FAM227A: variants seen among roughly 807,000 people sequenced by gnomAD.
FAM227A encodes family with sequence similarity 227 member A.
FAM227A carries 80 observed loss-of-function variants against 74.7 expected under a neutral mutation model. That is an observed-to-expected ratio of 1.07 (90% CI 0.89 to 1.29). The LOEUF (loss-of-function observed/expected upper bound fraction) is 1.29. FAM227A is among the 50% of genes most tolerant of loss of function. The probability of loss-of-function intolerance (pLI) is 0.00; values close to 1 mark genes in which losing one functional copy is unlikely to be tolerated. For missense variants in FAM227A, 654 were observed against 683.4 expected, an observed-to-expected ratio of 0.96 and a Z score of 0.48; for synonymous variants, 237 against 241.8, an observed-to-expected ratio of 0.98 and a Z score of 0.19.
intron 6 of FAM227A, among the ~76,000 whole-genome samples, chr22:38,633,464 G>A (rs554862931): frequency 4.6e-5 from 7 of 152,220 alleles, no homozygotes; most frequent in Admixed American, 6.5e-5. Context: ...CAGGAACAGC[G>A]GGTCCAAGAA....
intron 13 of FAM227A, among the ~76,000 whole-genome samples, chr22:38,601,929 C>G (rs2091187876): frequency 2.0e-5 from 3 of 151,894 alleles, no homozygotes; most frequent in Non-Finnish European, 2.9e-5. Context: ...CAGGAGGAAA[C>G]AGATCAGAAA....
In FAM227A at chr22:38,613,194, ATAT is replaced by A. The variant is rs1354677582; in HGVS notation, c.1039-5721_1039-5719del. ...TATATATATTATATATAATATATAT[ATAT>A]TATATTATATATATCTATGCTGTAT... is the stretch of plus-strand genomic sequence containing the variant. On this transcript the variant is annotated intron_variant, in intron 11 of 16. Coordinates refer to ENST00000535113, the MANE Select transcript of FAM227A (RefSeq NM_001013647.2). Among the ~76,000 whole-genome samples the A allele has an allele frequency of 2.3e-3, 184 of 79,644 alleles. 1 individual carries two copies. Among genetic ancestry groups the A allele is most frequent in the South Asian group, 0.015 (47 of 3,232 alleles). 52.2% of individuals were successfully genotyped at this position (79,644 alleles called of 152,430 possible).
At chr22:38,630,177 G>C (rs1285036402) in intron 6 of FAM227A, among the ~76,000 whole-genome samples, 1 of 152,092 alleles carries the variant, frequency 6.6e-6, no homozygotes, top group East Asian at 1.9e-4. Flanking sequence ...TCACACACAG[G>C]TGCCTCTCCT....
At chr22:38,617,809 G>A (rs2091610858) in intron 11 of FAM227A, among the ~76,000 whole-genome samples, 1 of 152,086 alleles carries the variant, frequency 6.6e-6, no homozygotes, top group Admixed American at 6.6e-5. Context: ...ACCAGCCTGG[G>A]CAACATAGCA....
intron 13 of FAM227A, among the ~76,000 whole-genome samples, chr22:38,604,814 G>T (rs1411297082): frequency 2.6e-5 from 4 of 152,010 alleles, no homozygotes; most frequent in African/African-American, 9.7e-5. Context: ...ACCGTGCCCA[G>T]CTAATTTTTG....
chr22:38,636,191 C>T (rs1249937222), intron 6 of FAM227A, among the ~76,000 whole-genome samples: 2 of 152,140 alleles, frequency 1.3e-5, no homozygotes, highest in African/African-American at 4.8e-5. Flanking sequence ...AATTTATAAA[C>T]AGACACGTTT....
intron 11 of FAM227A, among the ~76,000 whole-genome samples, chr22:38,613,272 T>A (rs1488706233): frequency 4.3e-4 from 31 of 72,650 alleles, no homozygotes; most frequent in African/African-American, 1.3e-3. Context: ...ATAACATATA[T>A]TATATATCAT....
rs2090782087 is a variant in FAM227A, at chr22:38,585,271, G to A, written c.*854C>T. ...TATTTTAGATTAAATCAGACAACAT[G>A]TGCATGCTTTACCTATAAAGTTTCT... On this transcript the variant is annotated 3_prime_UTR_variant, in exon 17 of 17. Transcript: ENST00000535113. 1 of 152,052 alleles carries A rather than the reference G, an allele frequency of 6.6e-6. No individual in the cohort carries two copies. Among genetic ancestry groups the A allele is most frequent in the Non-Finnish European group, 1.5e-5 (1 of 68,030 alleles). The allele number at this position is 152,052 out of a possible 1,614,324, so 9.4% of individuals were successfully genotyped here.
At position 38,599,899 on chromosome 22, in the gene FAM227A, G is replaced by A; in HGVS notation, c.1244C>T (p.Pro415Leu). 6.5e-7 allele frequency: 1 copy of A among 1,549,860 alleles called. No homozygotes were observed. The highest frequency in any genetic ancestry group is 1.2e-5 in the South Asian group (1 of 83,718). Reference protein sequence around the residue: ...PKKSCAACKSPELTSNLFNIY... With the variant: ...PKKSCAACKSLELTSNLFNIY... ...GTTGAAGAGGTTTGAAGTCAGCTCA[G>A]GGCTTTTGCAGGCAGCACACGACTA... is the stretch of plus-strand genomic sequence containing the variant. The change falls in exon 14 of 17, where the codon CCT (proline) becomes CTT (leucine). Residue 415 changes from proline (P) to leucine (L), a missense_variant. Coordinates refer to ENST00000535113, the MANE Select transcript of FAM227A (RefSeq NM_001013647.2).
chr22:38,617,073 T>C (rs1193584910), intron 11 of FAM227A, among the ~76,000 whole-genome samples: 1 of 151,850 alleles, frequency 6.6e-6, no homozygotes, highest in Non-Finnish European at 1.5e-5. Flanking sequence ...GGGAAGTGTT[T>C]CGAAGGTGGG....
intron 8 of FAM227A, among the ~76,000 whole-genome samples, chr22:38,626,685 G>C (rs2091807395): frequency 6.6e-6 from 1 of 150,718 alleles, no homozygotes; most frequent in Admixed American, 6.7e-5. Flanking sequence ...CCAACATGGT[G>C]AAACTGTGTC....
In FAM227A at chr22:38,585,700, G is replaced by C. The variant is rs528750147; in HGVS notation, c.*425C>G. Reference sequence around the variant, plus strand: ...CTCTACCAGATGGTGACTCCCTTGAGAACAGGGACTGTGTCTTATCTACTG... The same window carrying C: ...CTCTACCAGATGGTGACTCCCTTGACAACAGGGACTGTGTCTTATCTACTG... On this transcript the variant is annotated 3_prime_UTR_variant, in exon 17 of 17. Transcript: ENST00000535113. 1.5e-4 allele frequency: 32 copies of C among 212,636 alleles called. No homozygotes were observed. The highest frequency in any genetic ancestry group is 2.7e-4 in the Non-Finnish European group (28 of 104,576). The allele number at this position is 212,636 out of a possible 1,614,324, so 13.2% of individuals were successfully genotyped here. A position where few individuals can be genotyped will look rare whatever the true frequency, so the allele number is the denominator to read the frequency against.
In FAM227A at chr22:38,585,536, A is replaced by G. The variant is rs2090787570; in HGVS notation, c.*589T>C. On this transcript the variant is annotated 3_prime_UTR_variant, in exon 17 of 17. Transcript: ENST00000535113. Reference sequence around the variant, plus strand: ...GCATAATAGAAGCGCCTATCAAATTATCAAATTAATAGTTCCACAAAGCTT... The same window carrying G: ...GCATAATAGAAGCGCCTATCAAATTGTCAAATTAATAGTTCCACAAAGCTT... The G allele has an allele frequency of 6.6e-6, 1 of 152,652 alleles. No individual in the cohort carries two copies. The highest frequency in any genetic ancestry group is 1.5e-5 in the Non-Finnish European group (1 of 68,360). 9.5% of individuals were successfully genotyped at this position (152,652 alleles called of 1,614,324 possible).
chr22:38,642,725 C>A (rs866018094), intron 3 of FAM227A, among the ~76,000 whole-genome samples: 2 of 151,952 alleles, frequency 1.3e-5, no homozygotes, highest in Middle Eastern at 6.8e-3. Context: ...CACTTGAGGT[C>A]GGGAGTTTGA....
chr22:38,603,482 C>T (rs547027424), intron 13 of FAM227A, among the ~76,000 whole-genome samples: 6 of 133,806 alleles, frequency 4.5e-5, no homozygotes, highest in Admixed American at 3.6e-4. Flanking sequence ...AGTGAGACTC[C>T]GTCTCAAAAA....
chr22:38,633,327 G>A lies in FAM227A; in HGVS notation c.519+3124C>T, dbSNP rs187714030. 1.3e-3 allele frequency among the ~76,000 whole-genome samples: 197 copies of A among 152,264 alleles called. 1 individual carries two copies. The highest frequency in any genetic ancestry group is 2.2e-3 in the Non-Finnish European group (153 of 68,016). Reference sequence around the variant, plus strand: ...ATTTGTAGTAAGTCTGAAGGAAAACGTTCCTCATAGGACCTCAAAAATGGG... The same window carrying A: ...ATTTGTAGTAAGTCTGAAGGAAAACATTCCTCATAGGACCTCAAAAATGGG... On this transcript the variant is annotated intron_variant, in intron 6 of 16. Coordinates refer to ENST00000535113, the MANE Select transcript of FAM227A (RefSeq NM_001013647.2).
intron 11 of FAM227A, among the ~76,000 whole-genome samples, chr22:38,613,400 T>TATACATGTTATATATATAATA (rs375800648): frequency 9.4e-3 from 1 of 106 alleles, no homozygotes; most frequent in African/African-American, 0.023. Context: ...TAATATATAT[T>TATACATGTTATATATATAATA]TATAATATAT....
At chr22:38,611,445 A>G (rs73415416) in intron 11 of FAM227A, among the ~76,000 whole-genome samples, 221 of 152,268 alleles carry the variant, frequency 1.5e-3, no homozygotes, top group African/African-American at 5.1e-3. Context: ...GACACTGACT[A>G]TATCTATGCT....
At chr22:38,652,273 T>A (rs1241398702) in intron 1 of FAM227A, among the ~76,000 whole-genome samples, 3 of 151,566 alleles carry the variant, frequency 2.0e-5, no homozygotes, top group Admixed American at 6.6e-5. Flanking sequence ...AAAAAGTTAA[T>A]ATATTTGAGC....
Sources: gnomAD v4.1 joint callset for allele counts (sites outside exome capture counted in the v4.1 genomes callset) on GRCh38, gnomAD v4.1.1 for gene constraint, MANE v1.5 for transcripts, NCBI Gene and HGNC (gene_info 2026-07-23, HGNC 2026-07-21) for gene names.